Variants in CCDC18 observed in about 807,000 individuals in gnomAD.
CCDC18 encodes the protein coiled-coil domain containing 18, also known as coiled-coil domain-containing protein 18.
In CCDC18, 157 loss-of-function variants were observed where a neutral mutation model predicts 196.0. The ratio of observed to expected loss-of-function variants is 0.80; its 90% CI spans 0.70 to 0.91. The LOEUF is 0.91. Ranked by LOEUF, CCDC18 falls within the 40% of genes least tolerant of loss-of-function variation. CCDC18 has a pLI of 0.00. For missense variants in CCDC18, 1,465 were observed against 1,611.6 expected (o/e 0.91, Z 1.56); for synonymous variants, 482 against 529.2 (o/e 0.91, Z 1.22).
intron 18 of CCDC18, among the ~76,000 whole-genome samples, chr1:93,235,904 T>A (rs1660009478): frequency 6.6e-6 from 1 of 152,080 alleles, no homozygotes; most frequent in Non-Finnish European, 1.5e-5. Context: ...AATCTAGGAA[T>A]CTATTGAGTG....
At chr1:93,220,208 T>A (rs570491363) in intron 14 of CCDC18, among the ~76,000 whole-genome samples, 1 of 152,206 alleles carries the variant, frequency 6.6e-6, no homozygotes, top group South Asian at 2.1e-4. Flanking sequence ...TCAAAAACTA[T>A]GGACATAAGA....
rs59273654 is a variant in CCDC18, at chr1:93,212,322, T to A, written c.1495+61T>A. ...AGAGTTTTGGATGATAGTTTTTTTTTAAAAAAACTTTTATTTAAATTTTTT... is the reference window on the plus strand; with the variant it reads ...AGAGTTTTGGATGATAGTTTTTTTTAAAAAAAACTTTTATTTAAATTTTTT... On this transcript the variant is annotated intron_variant, in intron 11 of 28. Coordinates refer to ENST00000690025, the MANE Select transcript of CCDC18 (RefSeq NM_001378204.1). 3.9e-3 allele frequency: 4,539 copies of A among 1,158,120 alleles called. 89 individuals carry two copies. In the African/African-American group the frequency reaches 0.049, roughly 12 times the overall value. The allele number at this position is 1,158,120 out of a possible 1,614,324, so 71.7% of individuals were successfully genotyped here.
chr1:93,267,022 G>A (rs1436362754), intron 27 of CCDC18, among the ~76,000 whole-genome samples: 1 of 152,208 alleles, frequency 6.6e-6, no homozygotes, highest in African/African-American at 2.4e-5. Context: ...TATCCCTGAT[G>A]AACATCGATG....
chr1:93,278,525 T>TG lies in CCDC18; in HGVS notation c.*49dup, dbSNP rs1665758279. 10 of 1,111,712 alleles carry TG rather than the reference T, an allele frequency of 9.0e-6. No individual in the cohort carries two copies. The highest frequency in any genetic ancestry group is 5.5e-5 in the Admixed American group (2 of 36,102). 68.9% of individuals were successfully genotyped at this position (1,111,712 alleles called of 1,614,324 possible). A position where few individuals can be genotyped will look rare whatever the true frequency, so the allele number is the denominator to read the frequency against. On this transcript the variant is annotated 3_prime_UTR_variant, in exon 29 of 29. Transcript: ENST00000690025. Reference sequence around the variant, plus strand: ...TGAAAAAATGGAATTTTTGGTACTGTGCTGTTTACTTATTATATGTAGCTC... The same window carrying TG: ...TGAAAAAATGGAATTTTTGGTACTGTGGCTGTTTACTTATTATATGTAGCTC...
chr1:93,184,691 A>T (rs1650324503), intron 3 of CCDC18, among the ~76,000 whole-genome samples: 1 of 151,146 alleles, frequency 6.6e-6, no homozygotes. Context: ...CTCCTTTTAC[A>T]CTCTCTTCCT....
chr1:93,191,087 G>T, intron 4 of CCDC18: 7 of 522,204 alleles, frequency 1.3e-5, no homozygotes, highest in Non-Finnish European at 1.6e-5. Context: ...TCAGCAAGGA[G>T]ATTTTTTTTT....
intron 7 of CCDC18, 83 bp downstream of exon 7, chr1:93,202,071 TA>T: frequency 2.8e-6 from 2 of 706,696 alleles, no homozygotes. Context: ...AAAATATGTT[TA>T]TGGTTGAGAC....
In CCDC18 at chr1:93,239,316, A is replaced by G. The variant is rs368556505; in HGVS notation, c.2610A>G (p.Val870=). 10 of 1,569,942 alleles carry G rather than the reference A, an allele frequency of 6.4e-6. No individual in the cohort carries two copies. The East Asian group carries it at 1.8e-4, about 28-fold the overall frequency. ...VIELTGTARQ[V]KIEMDQYKEE... is the part of the protein sequence containing the mutation. ...ATTATTTGTTTTTAATTAGGCAAGT[A>G]AAGATTGAGATGGATCAGTACAAAG... The change falls in exon 20 of 29, where the codon GTA becomes GTG. Residue 870 remains valine, a synonymous_variant. Coordinates refer to ENST00000690025, the MANE Select transcript of CCDC18 (RefSeq NM_001378204.1).
Position 93,232,454 on chromosome 1 carries a change from T to TA in CCDC18, c.2327dup (p.Asn776LysfsTer9), listed in dbSNP as rs750060747. 8.1e-6 allele frequency: 13 copies of TA among 1,605,598 alleles called. No individual in the cohort carries two copies. The East Asian group carries it at 8.9e-5, about 11-fold the overall frequency. ...TATTGTTTACAGAAAGAGCTAAAGA[T>TA]AAAAAATCACAGTCTTCAAGAGACT... On this transcript the variant is annotated frameshift_variant, in exon 18 of 29. Transcript: ENST00000690025. LOFTEE classifies it high-confidence loss of function.
At chr1:93,230,618 A>G (rs371048670) in intron 17 of CCDC18, among the ~76,000 whole-genome samples, 3 of 152,310 alleles carry the variant, frequency 2.0e-5, no homozygotes, top group South Asian at 2.1e-4. Flanking sequence ...AGCTATTTCA[A>G]TATATGTAAT....
intron 21 of CCDC18, among the ~76,000 whole-genome samples, chr1:93,244,655 T>C (rs1373560586): frequency 2.0e-5 from 3 of 152,202 alleles, no homozygotes; most frequent in African/African-American, 7.2e-5. Flanking sequence ...TTACATAACA[T>C]TATGAATATA....
chr1:93,184,273 T>C (rs377401553), intron 3 of CCDC18, 127 bp downstream of exon 3: 1 of 331,228 alleles, frequency 3.0e-6, no homozygotes. Flanking sequence ...ACCTTATTCA[T>C]GGTTTCCATA....
At chr1:93,274,096 GC>G (rs1665500089) in intron 28 of CCDC18, among the ~76,000 whole-genome samples, 1 of 152,094 alleles carries the variant, frequency 6.6e-6, no homozygotes, top group Non-Finnish European at 1.5e-5. Context: ...CAGTTGCTTA[GC>G]CAATTAAGGA....
At chr1:93,257,265 A>G in intron 25 of CCDC18, among the ~76,000 whole-genome samples, 1 of 150,658 alleles carries the variant, frequency 6.6e-6, no homozygotes, top group South Asian at 2.1e-4. Context: ...AAAAACATGA[A>G]AACTATCCAA....
At chr1:93,202,756 C>T (rs890888211) in intron 7 of CCDC18, among the ~76,000 whole-genome samples, 4 of 152,102 alleles carry the variant, frequency 2.6e-5, no homozygotes, top group Non-Finnish European at 4.4e-5. Context: ...CTGGGAGATT[C>T]GGTGATACAT....
chr1:93,277,854 A>C (rs559579070), intron 28 of CCDC18, among the ~76,000 whole-genome samples: 1 of 152,240 alleles, frequency 6.6e-6, no homozygotes, highest in African/African-American at 2.4e-5. Flanking sequence ...TGTGCTCTCA[A>C]ACTATAACAT....
Position 93,205,626 on chromosome 1 carries a change from A to G in CCDC18, c.912A>G (p.Lys304=). The change falls in exon 8 of 29, where the codon AAA becomes AAG. Residue 304 remains lysine (K), a synonymous_variant. Transcript: ENST00000690025. Reference sequence around the variant, plus strand: ...GTGAACTTGAAATTCTGAAAGAGAAATTAAGGTACAGTATTCTGTTGTAGA... The same window carrying G: ...GTGAACTTGAAATTCTGAAAGAGAAGTTAAGGTACAGTATTCTGTTGTAGA... ...YKSELEILKE[K]LRQLKEENNN... The G allele has an allele frequency of 1.3e-6, 2 of 1,591,260 alleles. No individual in the cohort carries two copies. The highest frequency in any genetic ancestry group is 1.7e-6 in the Non-Finnish European group (2 of 1,171,036).
intron 10 of CCDC18, 65 bp downstream of exon 10, chr1:93,210,991 A>G (rs979780276): frequency 2.6e-6 from 4 of 1,550,084 alleles, no homozygotes; most frequent in Non-Finnish European, 3.5e-6. Flanking sequence ...TAAGACCCTT[A>G]ATTGGCCGGG....
intron 12 of CCDC18, among the ~76,000 whole-genome samples, chr1:93,215,655 G>A (rs934284064): frequency 2.0e-5 from 3 of 151,836 alleles, no homozygotes; most frequent in African/African-American, 4.8e-5. Context: ...AGAGACAGTC[G>A]CTGTGTTGCC....
Sources: allele counts gnomAD v4.1 joint callset (sites outside exome capture counted in the v4.1 genomes callset), GRCh38; gene constraint gnomAD v4.1.1; transcripts MANE v1.5; gene names NCBI Gene and HGNC (gene_info 2026-07-23, HGNC 2026-07-21).